BMPR1B: variants seen among roughly 807,000 people sequenced by gnomAD.
The protein encoded by BMPR1B is bone morphogenetic protein receptor type-1B.
BMPR1B carries 12 observed loss-of-function variants against 59.1 expected under a neutral mutation model. That is an observed-to-expected ratio of 0.20 (90% CI 0.13 to 0.33). The LOEUF is 0.33. Among genes scored for constraint, BMPR1B ranks in the 10% least tolerant of loss-of-function variants. The probability of loss-of-function intolerance (pLI) is 1.00; values close to 1 mark genes in which losing one functional copy is unlikely to be tolerated. For missense variants in BMPR1B, 550 were observed against 610.9 expected, an observed-to-expected ratio of 0.90 and a Z score of 1.05; for synonymous variants, 237 against 207.3, an observed-to-expected ratio of 1.14 and a Z score of -1.23.
At chr4:94,762,435 A>T (rs1721814379) in intron 1 of BMPR1B, among the ~76,000 whole-genome samples, 1 of 152,190 alleles carries the variant, frequency 6.6e-6, no homozygotes, top group African/African-American at 2.4e-5. Flanking sequence ...TTCTTGAGTA[A>T]CAAGAAAGAG....
At chr4:94,903,987 G>GTGAA in intron 2 of BMPR1B, among the ~76,000 whole-genome samples, 1 of 152,150 alleles carries the variant, frequency 6.6e-6, no homozygotes, top group African/African-American at 2.4e-5. Context: ...ACTTAGTGAA[G>GTGAA]TGAATAAATA....
rs1307487917 is a variant in BMPR1B at position 95,155,341 on chromosome 4, T to C, written c.*668T>C. On this transcript the variant is annotated 3_prime_UTR_variant, in exon 13 of 13. Coordinates refer to ENST00000515059, the MANE Select transcript of BMPR1B (RefSeq NM_001203.3). ...GGTGGCCTTTTGCAGCTTCAGGCAA[T>C]ATGGAACAAATGAAGGTTTATGTGA... The C allele has an allele frequency of 6.6e-6, 1 of 152,238 alleles. No homozygotes were observed. The highest frequency in any genetic ancestry group is 1.5e-5 in the Non-Finnish European group (1 of 68,162). The allele number at this position is 152,238 out of a possible 1,614,324, so 9.4% of individuals were successfully genotyped here. A position where few individuals can be genotyped will look rare whatever the true frequency, so the allele number is the denominator to read the frequency against.
intron 1 of BMPR1B, among the ~76,000 whole-genome samples, chr4:94,821,594 C>T (rs1195790866): frequency 6.6e-6 from 1 of 152,004 alleles, no homozygotes; most frequent in Non-Finnish European, 1.5e-5. Context: ...AATAAAACAG[C>T]AGTACACATA....
chr4:95,034,641 TTA>T (rs140594794), intron 3 of BMPR1B, among the ~76,000 whole-genome samples: 33 of 149,322 alleles, frequency 2.2e-4, no homozygotes, highest in Non-Finnish European at 2.5e-4. Context: ...TATTCCATGT[TTA>T]TATATATATA....
intron 3 of BMPR1B, among the ~76,000 whole-genome samples, chr4:95,081,277 G>A (rs140274571): frequency 5.9e-5 from 9 of 152,180 alleles, no homozygotes; most frequent in South Asian, 2.1e-4. Context: ...CTGGTATGTC[G>A]TTATTAGCAG....
At chr4:94,890,988 A>G (rs1231033000) in intron 2 of BMPR1B, among the ~76,000 whole-genome samples, 2 of 152,110 alleles carry the variant, frequency 1.3e-5, no homozygotes, top group Non-Finnish European at 2.9e-5. Flanking sequence ...CCTAAAACTT[A>G]ATTTATTTTA....
At chr4:95,058,888 G>A (rs1727130099) in intron 3 of BMPR1B, among the ~76,000 whole-genome samples, 1 of 152,112 alleles carries the variant, frequency 6.6e-6, no homozygotes, top group Non-Finnish European at 1.5e-5. Flanking sequence ...TAATGATTAT[G>A]CACTTTTTTA....
chr4:95,076,584 G>C (rs971960755), intron 3 of BMPR1B, among the ~76,000 whole-genome samples: 3 of 152,018 alleles, frequency 2.0e-5, no homozygotes, highest in Non-Finnish European at 4.4e-5. Context: ...TCATTTTACA[G>C]ATGAGGAAAT....
chr4:94,888,254 C>G (rs973948767), intron 2 of BMPR1B, among the ~76,000 whole-genome samples: 2 of 151,896 alleles, frequency 1.3e-5, no homozygotes, highest in Non-Finnish European at 2.9e-5. Flanking sequence ...TGAGCTGTAT[C>G]CATCCAAATC....
intron 2 of BMPR1B, among the ~76,000 whole-genome samples, chr4:94,902,622 A>G (rs1727875910): frequency 6.6e-6 from 1 of 152,000 alleles, no homozygotes; most frequent in Non-Finnish European, 1.5e-5. Flanking sequence ...CTGAAGTATT[A>G]AACAGCTTAA....
At chr4:94,860,562 G>A (rs569937913) in intron 1 of BMPR1B, among the ~76,000 whole-genome samples, 2 of 152,220 alleles carry the variant, frequency 1.3e-5, no homozygotes, top group East Asian at 3.9e-4. Flanking sequence ...GATTGAACCT[G>A]TTTGTAACTA....
At chr4:94,859,184 G>A (rs1218976777) in intron 1 of BMPR1B, among the ~76,000 whole-genome samples, 6 of 152,094 alleles carry the variant, frequency 3.9e-5, no homozygotes, top group Non-Finnish European at 8.8e-5. Context: ...GCTTCAAGAG[G>A]CCACTCTTTA....
intron 1 of BMPR1B, among the ~76,000 whole-genome samples, chr4:94,776,792 A>G (rs1722386042): frequency 6.6e-6 from 1 of 152,214 alleles, no homozygotes; most frequent in Non-Finnish European, 1.5e-5. Context: ...TACGCGTTCA[A>G]TGGAAACATT....
chr4:95,150,284 C>A (rs1419360032), intron 11 of BMPR1B, among the ~76,000 whole-genome samples: 1 of 151,764 alleles, frequency 6.6e-6, no homozygotes, highest in Non-Finnish European at 1.5e-5. Context: ...AAGAAGTAAC[C>A]AAAAAATTTA....
At chr4:94,928,131 G>A (rs1285794257) in intron 2 of BMPR1B, among the ~76,000 whole-genome samples, 1 of 150,870 alleles carries the variant, frequency 6.6e-6, no homozygotes, top group African/African-American at 2.4e-5. Flanking sequence ...ATGTGTATGT[G>A]GTTATTTTTT....
intron 2 of BMPR1B, among the ~76,000 whole-genome samples, chr4:94,940,345 G>GT (rs1729462840): frequency 6.6e-6 from 1 of 152,098 alleles, no homozygotes; most frequent in Non-Finnish European, 1.5e-5. Flanking sequence ...CACCACAGCT[G>GT]TTGTAAGTGT....
intron 3 of BMPR1B, among the ~76,000 whole-genome samples, chr4:95,037,385 C>T (rs921894806): frequency 2.6e-5 from 4 of 151,970 alleles, no homozygotes; most frequent in Admixed American, 2.6e-4. Flanking sequence ...AAACCGAAGC[C>T]CTGATATTAC....
intron 3 of BMPR1B, among the ~76,000 whole-genome samples, chr4:95,038,829 A>C (rs1455655942): frequency 6.6e-6 from 1 of 152,206 alleles, no homozygotes; most frequent in Non-Finnish European, 1.5e-5. Flanking sequence ...AGAGGAAATT[A>C]TGGTGACAAT....
intron 4 of BMPR1B, among the ~76,000 whole-genome samples, chr4:95,104,954 A>G (rs1174477825): frequency 6.6e-6 from 1 of 152,074 alleles, no homozygotes; most frequent in Non-Finnish European, 1.5e-5. Context: ...CATCATGCTG[A>G]TGTTAGTATT....
Sources: gnomAD v4.1 joint callset for allele counts (sites outside exome capture counted in the v4.1 genomes callset) on GRCh38, gnomAD v4.1.1 for gene constraint, MANE v1.5 for transcripts, NCBI Gene and HGNC (gene_info 2026-07-23, HGNC 2026-07-21) for gene names.